Variants in HACE1 observed in about 807,000 individuals in gnomAD.
The protein encoded by HACE1 is E3 ubiquitin-protein ligase HACE1.
In HACE1, 73 loss-of-function variants were observed where a neutral mutation model predicts 118.4. The observed-to-expected ratio is 0.62, with a 90% confidence interval of 0.51 to 0.75. The LOEUF (loss-of-function observed/expected upper bound fraction) is 0.75. Ranked by LOEUF, HACE1 falls within the 30% of genes least tolerant of loss-of-function variation. The pLI is 0.00. For synonymous variants in HACE1, 368 were observed against 374.8 expected, an observed-to-expected ratio of 0.98 and a Z score of 0.21; for missense variants, 749 against 1,102.2, an observed-to-expected ratio of 0.68 and a Z score of 4.54.
At position 104,791,760 on chromosome 6, in the gene HACE1, T is replaced by G. The variant is rs542307200; in HGVS notation, c.924-106A>C. ...ACTGACCATCTGTTTCATATTATAA[T>G]GTAACTGGAGTACAATTCCTTTCCT... On this transcript the variant is annotated intron_variant, in intron 10 of 23. Transcript: ENST00000262903. The G allele has an allele frequency of 1.4e-5, 10 of 731,264 alleles. No homozygotes were observed. The South Asian group carries it at 1.7e-4, about 13-fold the overall frequency. The allele number at this position is 731,264 out of a possible 1,614,324, so 45.3% of individuals were successfully genotyped here. A position where few individuals can be genotyped will look rare whatever the true frequency, so the allele number is the denominator to read the frequency against.
chr6:104,786,183 T>C (rs1291011585), intron 11 of HACE1: 1 of 151,276 alleles, frequency 6.6e-6, no homozygotes, highest in Admixed American at 6.6e-5. Context: ...CTACTAAAAA[T>C]ACAAAAAATT....
Position 104,771,356 on chromosome 6 carries a change from A to G in HACE1, c.2048T>C (p.Ile683Thr), listed in dbSNP as rs767411043. 1.9e-6 allele frequency: 3 copies of G among 1,612,440 alleles called. No individual in the cohort carries two copies. Among genetic ancestry groups the G allele is most frequent in the Non-Finnish European group, 2.5e-6 (3 of 1,178,664 alleles). The change falls in exon 19 of 24, where the codon ATT (isoleucine) becomes ACT (threonine). Residue 683 changes from isoleucine (I) to threonine (T), a missense_variant. Ile to Thr is a moderately conservative substitution (Grantham distance 89). Around this residue, in one of 5 missense-constraint regions of HACE1, gnomAD observed 195 missense variants for 322.1 expected, o/e 0.61. Coordinates refer to ENST00000262903, the MANE Select transcript of HACE1 (RefSeq NM_020771.4). The part of the protein sequence containing the change: ...IPVNYQDVAS[I>T]DPEYAKNLQW... ...CAAATTTTTCGCATATTCTGGATCA[A>G]TGGATGCCACATCTTGGTAATTTAC...
At position 104,820,126 on chromosome 6, in the gene HACE1, T is replaced by C. The variant is rs148878147; in HGVS notation, c.535-8733A>G. On this transcript the variant is annotated intron_variant, in intron 6 of 23. Transcript: ENST00000262903. ...AGAAAAATCGCTTGAACCCGGGAGG[T>C]GGAGTTTGCAGTGAGCCGAGATTGT... Among the ~76,000 whole-genome samples the C allele has an allele frequency of 4.7e-3, 642 of 136,932 alleles. 3 individuals carry two copies. The highest frequency in any genetic ancestry group is 0.015 in the African/African-American group (526 of 35,888). 89.8% of individuals were successfully genotyped at this position (136,932 alleles called of 152,430 possible).
chr6:104,776,692 G>T, intron 17 of HACE1, 49 bp downstream of exon 17: 3 of 1,077,748 alleles, frequency 2.8e-6, no homozygotes, highest in Non-Finnish European at 4.3e-6. Context: ...GAAATAGTGT[G>T]AAAAATGTGA....
chr6:104,744,119 AC>A (rs749300809), intron 22 of HACE1, 40 bp downstream of exon 22: 1 of 1,125,838 alleles, frequency 8.9e-7, no homozygotes, highest in Non-Finnish European at 1.4e-6. Flanking sequence ...AAAGCAGAAT[AC>A]ATTAAATTAT....
chr6:104,772,063 G>A lies in HACE1; in HGVS notation c.1876C>T (p.Gln626Ter). 6.3e-7 allele frequency: 1 copy of A among 1,584,128 alleles called. No homozygotes were observed. The highest frequency in any genetic ancestry group is 8.7e-7 in the Non-Finnish European group (1 of 1,153,574). ...TTTACATAAGAGTTGCTATTAGGCT[G>A]AAAAGTTGTTCCTATTGAAATAAAT... The part of the protein sequence containing the change: ...FTQSADGTTF[Q>*]PNSNSYVNPD... Residue 626 changes from glutamine (Q) to a stop codon, truncating the protein, a stop_gained, in exon 18 of 24, where the codon CAG becomes TAG. Coordinates refer to ENST00000262903, the MANE Select transcript of HACE1 (RefSeq NM_020771.4). LOFTEE classifies it high-confidence loss of function.
chr6:104,763,051 T>C lies in HACE1; in HGVS notation c.2211+8142A>G, dbSNP rs76891241. 5.2e-3 allele frequency among the ~76,000 whole-genome samples: 568 copies of C among 108,472 alleles called. 2 individuals are homozygous for C. Among genetic ancestry groups the C allele is most frequent in the Non-Finnish European group, 8.3e-3 (409 of 49,370 alleles). 71.2% of individuals were successfully genotyped at this position (108,472 alleles called of 152,430 possible). On this transcript the variant is annotated intron_variant, in intron 19 of 23. Transcript: ENST00000262903. ...AGAAATAAACAAATTTCCCAGCAAA[T>C]AAAAAGAAAATACTGGTCATTCAGG... is the stretch of plus-strand genomic sequence containing the variant.
chr6:104,848,959 A>G (rs1775917319), intron 4 of HACE1, among the ~76,000 whole-genome samples, 183 bp downstream of exon 4: 1 of 152,220 alleles, frequency 6.6e-6, no homozygotes, highest in African/African-American at 2.4e-5. Flanking sequence ...ACTATAAAGA[A>G]GAACAATATC....
chr6:104,737,474 C>A (rs1232473735), intron 22 of HACE1, among the ~76,000 whole-genome samples: 1 of 151,984 alleles, frequency 6.6e-6, no homozygotes, highest in African/African-American at 2.4e-5. Context: ...GGTGTGCGCA[C>A]CGTGCGCGAG....
chr6:104,853,583 G>A (rs1776445096), intron 1 of HACE1, among the ~76,000 whole-genome samples: 2 of 152,080 alleles, frequency 1.3e-5, no homozygotes, highest in South Asian at 4.2e-4. Context: ...ATAGGTTAAA[G>A]TTTAAGGAGA....
intron 19 of HACE1, among the ~76,000 whole-genome samples, chr6:104,755,722 C>T (rs752006153): frequency 1.3e-5 from 2 of 152,152 alleles, no homozygotes; most frequent in Non-Finnish European, 2.9e-5. Context: ...AAGAATTTAT[C>T]TGAAACTAAT....
At chr6:104,786,443 C>T (rs1782403549) in intron 11 of HACE1, 1 of 148,584 alleles carries the variant, frequency 6.7e-6, no homozygotes, top group Admixed American at 6.7e-5. Context: ...TAAACTATTT[C>T]CTATTATTAT....
chr6:104,803,588 A>C (rs974149356), intron 7 of HACE1, among the ~76,000 whole-genome samples: 11 of 152,218 alleles, frequency 7.2e-5, no homozygotes, highest in Non-Finnish European at 1.5e-4. Context: ...GCAATCCATC[A>C]CATAAAAAGA....
intron 19 of HACE1, among the ~76,000 whole-genome samples, chr6:104,768,921 A>T (rs547698756): frequency 6.6e-6 from 1 of 152,298 alleles, no homozygotes; most frequent in Admixed American, 6.5e-5. Context: ...TCATTAAAAT[A>T]CACAAATACA....
intron 22 of HACE1, among the ~76,000 whole-genome samples, chr6:104,737,389 G>A (rs558487585): frequency 3.3e-5 from 5 of 152,108 alleles, no homozygotes; most frequent in South Asian, 4.2e-4. Context: ...GCAAAAGATG[G>A]TGATTTCTGC....
At chr6:104,826,928 T>C (rs1033918286) in intron 6 of HACE1, among the ~76,000 whole-genome samples, 5 of 152,160 alleles carry the variant, frequency 3.3e-5, no homozygotes, top group South Asian at 2.1e-4. Context: ...TAAGAAACTA[T>C]TGCGGAGGAA....
intron 6 of HACE1, among the ~76,000 whole-genome samples, chr6:104,832,260 G>A (rs930064423): frequency 6.6e-6 from 1 of 152,102 alleles, no homozygotes; most frequent in Non-Finnish European, 1.5e-5. Context: ...AAAATTAAAT[G>A]TGAATATACT....
At chr6:104,736,956 T>C (rs1287595295) in intron 22 of HACE1, among the ~76,000 whole-genome samples, 2 of 152,076 alleles carry the variant, frequency 1.3e-5, no homozygotes, top group East Asian at 1.9e-4. Flanking sequence ...TCTACAATGA[T>C]TAAACACTAC....
chr6:104,780,293 C>T (rs1366702363), intron 14 of HACE1: 2 of 425,222 alleles, frequency 4.7e-6, no homozygotes, highest in Non-Finnish European at 9.3e-6. Context: ...CACACACACA[C>T]ACATACAAAC....
Sources: allele counts gnomAD v4.1 joint callset (sites outside exome capture counted in the v4.1 genomes callset), GRCh38; gene constraint gnomAD v4.1.1; regional missense constraint gnomAD v4.1.1; transcripts MANE v1.5; gene names NCBI Gene and HGNC (gene_info 2026-07-23, HGNC 2026-07-21).